SYTL2: variants seen among roughly 807,000 people sequenced by gnomAD.
The protein encoded by SYTL2 is synaptotagmin like 2.
Under a neutral mutation model 198.7 loss-of-function variants are expected in SYTL2, and 165 were observed. That is an observed-to-expected ratio of 0.83 (90% CI 0.73 to 0.94). SYTL2 has a LOEUF of 0.94. Ranked by LOEUF, SYTL2 falls within the 40% of genes least tolerant of loss-of-function variation. SYTL2 has a pLI of 0.00. For missense variants in SYTL2, 2,835 were observed against 2,582.8 expected (o/e 1.10, Z -2.12); for synonymous variants, 966 against 917.7 (o/e 1.05, Z -0.95).
At chr11:85,788,043 G>A (rs1004987506) in intron 1 of SYTL2, among the ~76,000 whole-genome samples, 1 of 152,114 alleles carries the variant, frequency 6.6e-6, no homozygotes, top group East Asian at 1.9e-4. Context: ...CTTTACACAT[G>A]GGTGTCTCCT....
chr11:85,767,107 T>C (rs1396110791), intron 1 of SYTL2, among the ~76,000 whole-genome samples: 2 of 152,214 alleles, frequency 1.3e-5, no homozygotes, highest in Non-Finnish European at 1.5e-5. Context: ...CATATTTGTA[T>C]ATCAATTGTT....
the SYTL2 span, among the ~76,000 whole-genome samples, chr11:85,821,685 G>T: frequency 6.6e-6 from 1 of 152,216 alleles, no homozygotes; most frequent in African/African-American, 2.4e-5. Flanking sequence ...CTATATATAT[G>T]TCCATTTTCA....
intron 1 of SYTL2, among the ~76,000 whole-genome samples, chr11:85,782,348 G>C (rs1192731711): frequency 6.6e-6 from 1 of 152,162 alleles, no homozygotes; most frequent in African/African-American, 2.4e-5. Context: ...GGGGGGCCCT[G>C]GACCCAGCCC....
chr11:85,785,392 T>G (rs1359808026), intron 1 of SYTL2, among the ~76,000 whole-genome samples: 4 of 152,190 alleles, frequency 2.6e-5, no homozygotes, highest in Non-Finnish European at 4.4e-5. Flanking sequence ...GAAGGAAAAG[T>G]GGGATTTTGC....
chr11:85,809,429 A>G (rs1479781900), intron 1 of SYTL2, among the ~76,000 whole-genome samples: 2 of 152,206 alleles, frequency 1.3e-5, no homozygotes, highest in African/African-American at 4.8e-5. Context: ...AAATGACATA[A>G]TAGCTCTAAG....
chr11:85,804,856 A>G (rs895638745), intron 1 of SYTL2, among the ~76,000 whole-genome samples: 1 of 152,226 alleles, frequency 6.6e-6, no homozygotes, highest in African/African-American at 2.4e-5. Context: ...GGTGGCTCCA[A>G]CTATTCATAA....
the SYTL2 span, among the ~76,000 whole-genome samples, chr11:85,838,377 A>T: frequency 6.6e-6 from 1 of 152,194 alleles, no homozygotes; most frequent in Non-Finnish European, 1.5e-5. Flanking sequence ...GTAGATATAG[A>T]CATAGGTGTA....
chr11:85,852,120 GTTCCC>G, the SYTL2 span, among the ~76,000 whole-genome samples: 1 of 152,138 alleles, frequency 6.6e-6, no homozygotes, highest in African/African-American at 2.4e-5. Context: ...AACTGCTTCA[GTTCCC>G]TTCAAGTTCT....
At chr11:85,775,191 T>C (rs1055941220) in intron 1 of SYTL2, among the ~76,000 whole-genome samples, 2 of 152,120 alleles carry the variant, frequency 1.3e-5, no homozygotes, top group Non-Finnish European at 2.9e-5. Context: ...ATTAGGAAAA[T>C]AGGGTATAAA....
intron 1 of SYTL2, among the ~76,000 whole-genome samples, chr11:85,806,518 A>C (rs1310359798): frequency 2.0e-5 from 3 of 152,188 alleles, no homozygotes; most frequent in Non-Finnish European, 4.4e-5. Context: ...ACCTTCCCCA[A>C]AATTCCCTTA....
intron 3 of SYTL2, among the ~76,000 whole-genome samples, chr11:85,747,911 AAG>A (rs1335430317): frequency 6.6e-6 from 1 of 152,232 alleles, no homozygotes; most frequent in East Asian, 1.9e-4. Context: ...GATCACTGAA[AAG>A]AGAGGCTGAT....
intron 1 of SYTL2, among the ~76,000 whole-genome samples, chr11:85,773,646 T>G (rs2092400518): frequency 6.6e-6 from 1 of 152,030 alleles, no homozygotes; most frequent in African/African-American, 2.4e-5. Context: ...ACACCTGACC[T>G]GTGCCCGCCA....
Position 85,724,979 on chromosome 11 carries a change from G to A in SYTL2, c.4379C>T (p.Thr1460Met), listed in dbSNP as rs201893430. The change falls in exon 8 of 20, where the codon ACG becomes ATG. Residue 1460 changes from threonine (T) to methionine (M), a missense_variant. Thr to Met is a moderately conservative substitution (Grantham distance 81). Transcript: ENST00000359152. ...LAAQMSPSDQTLSSFASIVAQ... is the reference protein window; with the variant it reads ...LAAQMSPSDQMLSSFASIVAQ... ...AACAATGGAAGCAAATGAGCTAAGC[G>A]TCTGGTCTGATGGAGACATTTGGGC... The A allele has an allele frequency of 1.0e-4, 169 of 1,613,744 alleles. No individual in the cohort carries two copies. The highest frequency in any genetic ancestry group is 1.3e-4 in the Admixed American group (8 of 59,986).
At chr11:85,800,164 C>T (rs914733551) in intron 1 of SYTL2, among the ~76,000 whole-genome samples, 7 of 152,118 alleles carry the variant, frequency 4.6e-5, no homozygotes, top group African/African-American at 1.4e-4. Context: ...AGTAAAGAGA[C>T]CAAACCAGAA....
rs768810688 is a variant in SYTL2, at chr11:85,711,150, T to C, written c.5708A>G (p.Asn1903Ser). ...CGTCATGCCAGAGGAGCTGCTAAGATTGGTTAAAGAGCTCGGGCTCTTCTT... is the reference window on the plus strand; with the variant it reads ...CGTCATGCCAGAGGAGCTGCTAAGACTGGTTAAAGAGCTCGGGCTCTTCTT... The part of the protein sequence containing the change: ...RHKKSPSSLT[N>S]LSSSSGMTSL... Residue 1903 changes from asparagine to serine, a missense_variant, in exon 13 of 20, where the codon AAT becomes AGT. Around this residue, in one of 3 missense-constraint regions of SYTL2, gnomAD observed 2,645 missense variants for 2,381.7 expected, o/e 1.11. Coordinates refer to ENST00000359152, the MANE Select transcript of SYTL2 (RefSeq NM_206927.4). The C allele has an allele frequency of 3.7e-6, 6 of 1,613,922 alleles. No individual in the cohort carries two copies. The African/African-American group carries it at 5.3e-5, about 14-fold the overall frequency.
At chr11:85,696,713 A>T (rs1422417997) in intron 18 of SYTL2, among the ~76,000 whole-genome samples, 2 of 152,198 alleles carry the variant, frequency 1.3e-5, no homozygotes, top group Non-Finnish European at 2.9e-5. Flanking sequence ...TCATAAGGCT[A>T]AAATTAGAAT....
intron 6 of SYTL2, 99 bp from the exon 7 acceptor site, chr11:85,734,841 A>C (rs2090179608): frequency 1.1e-6 from 1 of 915,710 alleles, no homozygotes; most frequent in Non-Finnish European, 1.6e-6. Flanking sequence ...GAAACTATTA[A>C]AATATTAAAG....
At chr11:85,846,741 T>C in the SYTL2 span, among the ~76,000 whole-genome samples, 1 of 150,516 alleles carries the variant, frequency 6.6e-6, no homozygotes, top group Non-Finnish European at 1.5e-5. Flanking sequence ...ACTATTTTTT[T>C]TTTTTTTTTT....
In SYTL2 at chr11:85,725,402, C is replaced by A. The variant is rs751532303; in HGVS notation, c.3956G>T (p.Gly1319Val). 6 of 1,614,048 alleles carry A rather than the reference C, an allele frequency of 3.7e-6. No individual in the cohort carries two copies. Among genetic ancestry groups the A allele is most frequent in the Admixed American group, 1.7e-5 (1 of 60,018 alleles). The change falls in exon 8 of 20, where the codon GGT becomes GTT. Residue 1319 changes from glycine to valine, a missense_variant. Transcript: ENST00000359152. ...LDPTSQLSRK[G>V]SFGDVASPPQ... The stretch of plus-strand genomic sequence containing the variant: ...AGGGCTGGCCACATCCCCAAAAGAA[C>A]CCTTTCTGGAAAGCTGGGAAGTTGG...
Sources: allele counts gnomAD v4.1 joint callset (sites outside exome capture counted in the v4.1 genomes callset), GRCh38; gene constraint gnomAD v4.1.1; regional missense constraint gnomAD v4.1.1; transcripts MANE v1.5; gene names NCBI Gene and HGNC (gene_info 2026-07-23, HGNC 2026-07-21).